The following NCAM2 variants were observed in gnomAD, a reference collection of about 807,000 sequenced individuals.
The protein encoded by NCAM2 is N-CAM-2.
Under a neutral mutation model 98.1 loss-of-function variants are expected in NCAM2, and 30 were observed. The observed-to-expected ratio is 0.31, with a 90% confidence interval of 0.23 to 0.41. The LOEUF is 0.41. Ranked by LOEUF, NCAM2 falls within the 10% of genes least tolerant of loss-of-function variation. The pLI is 1.00. For synonymous variants in NCAM2, 368 were observed against 342.4 expected (o/e 1.07, Z -0.83); for missense variants, 867 against 1,005.8 (o/e 0.86, Z 1.87).
intron 1 of NCAM2, among the ~76,000 whole-genome samples, chr21:21,227,682 A>T (rs1367932026): frequency 6.6e-6 from 1 of 151,856 alleles, no homozygotes; most frequent in Admixed American, 6.6e-5. Context: ...AGATATGTCT[A>T]AATAAAAGCT....
intron 9 of NCAM2, among the ~76,000 whole-genome samples, chr21:21,404,352 C>A (rs968016656): frequency 6.6e-6 from 1 of 152,000 alleles, no homozygotes; most frequent in Non-Finnish European, 1.5e-5. Flanking sequence ...GTGGGAGGGA[C>A]CCAGCAGAGC....
At chr21:21,041,986 G>A (rs1258874596) in intron 1 of NCAM2, among the ~76,000 whole-genome samples, 1 of 152,182 alleles carries the variant, frequency 6.6e-6, no homozygotes, top group East Asian at 1.9e-4. Flanking sequence ...CAGGTTGAAT[G>A]ACGATGCCAA....
intron 6 of NCAM2, among the ~76,000 whole-genome samples, chr21:21,331,238 G>A (rs2074669589): frequency 6.6e-6 from 1 of 151,678 alleles, no homozygotes; most frequent in Non-Finnish European, 1.5e-5. Context: ...TCGGGCTCAA[G>A]TGATCTTCCT....
intron 1 of NCAM2, among the ~76,000 whole-genome samples, chr21:21,244,459 G>A (rs772881859): frequency 3.3e-5 from 5 of 151,972 alleles, no homozygotes; most frequent in Non-Finnish European, 5.9e-5. Context: ...TCGATAATAC[G>A]AAGTTTTCAC....
At chr21:21,261,777 C>A (rs1443760223) in intron 1 of NCAM2, among the ~76,000 whole-genome samples, 5 of 151,988 alleles carry the variant, frequency 3.3e-5, no homozygotes, top group African/African-American at 9.7e-5. Flanking sequence ...CTCAAATTTA[C>A]AACCTAACAT....
intron 13 of NCAM2, 125 bp from the exon 14 acceptor site, chr21:21,468,537 G>A (rs910165868): frequency 1.1e-6 from 1 of 884,774 alleles, no homozygotes; most frequent in Non-Finnish European, 1.6e-6. Context: ...AAAGGGCAAT[G>A]TCAAATGGTA....
At chr21:21,295,941 G>T (rs936972226) in intron 5 of NCAM2, among the ~76,000 whole-genome samples, 4 of 151,654 alleles carry the variant, frequency 2.6e-5, no homozygotes, top group African/African-American at 9.7e-5. Context: ...CACTTTCCCT[G>T]ATGGTGATCA....
chr21:21,184,365 T>C (rs2068571689), intron 1 of NCAM2, among the ~76,000 whole-genome samples: 2 of 150,006 alleles, frequency 1.3e-5, no homozygotes, highest in South Asian at 4.3e-4. Flanking sequence ...CTTCAAAGAG[T>C]GTTGAACATT....
intron 1 of NCAM2, among the ~76,000 whole-genome samples, chr21:21,048,426 C>T (rs767682269): frequency 6.6e-6 from 1 of 151,988 alleles, no homozygotes. Flanking sequence ...AATCTCTGCT[C>T]GCTGCAAGCT....
intron 6 of NCAM2, among the ~76,000 whole-genome samples, chr21:21,325,096 A>G (rs2147800413): frequency 6.6e-6 from 1 of 152,246 alleles, no homozygotes; most frequent in African/African-American, 2.4e-5. Context: ...TATTTTTAAA[A>G]TATTCCATTC....
chr21:21,468,033 A>G (rs929334246), intron 13 of NCAM2, among the ~76,000 whole-genome samples: 4 of 152,000 alleles, frequency 2.6e-5, no homozygotes, highest in Non-Finnish European at 1.5e-5. Context: ...GTTCTATTCA[A>G]AACAATATAA....
At chr21:21,504,050 C>T (rs910956080) in intron 15 of NCAM2, among the ~76,000 whole-genome samples, 2 of 151,750 alleles carry the variant, frequency 1.3e-5, no homozygotes, top group African/African-American at 4.8e-5. Flanking sequence ...TGGATATTGA[C>T]ATTTTTCTAT....
intron 1 of NCAM2, among the ~76,000 whole-genome samples, chr21:21,261,308 A>G (rs2071890287): frequency 6.6e-6 from 1 of 152,162 alleles, no homozygotes; most frequent in South Asian, 2.1e-4. Flanking sequence ...AACTAACAAG[A>G]AAATCTGGAC....
chr21:21,190,118 G>T (rs1394750486), intron 1 of NCAM2, among the ~76,000 whole-genome samples: 1 of 152,212 alleles, frequency 6.6e-6, no homozygotes, highest in African/African-American at 2.4e-5. Flanking sequence ...CACTGGGGAA[G>T]AAGGGACTTG....
intron 1 of NCAM2, among the ~76,000 whole-genome samples, chr21:21,057,408 A>C (rs1035988611): frequency 9.9e-5 from 15 of 152,172 alleles, no homozygotes; most frequent in Non-Finnish European, 2.1e-4. Context: ...TTACCATGTA[A>C]TGACACTTCC....
At chr21:21,445,970 C>T (rs1200692612) in intron 12 of NCAM2, among the ~76,000 whole-genome samples, 1 of 152,052 alleles carries the variant, frequency 6.6e-6, no homozygotes, top group Non-Finnish European at 1.5e-5. Context: ...TGGCTGGTAC[C>T]AGTTTTTCCT....
At chr21:21,249,465 A>C (rs1052293653) in intron 1 of NCAM2, among the ~76,000 whole-genome samples, 3 of 152,130 alleles carry the variant, frequency 2.0e-5, no homozygotes, top group Non-Finnish European at 4.4e-5. Flanking sequence ...CGAGCTCATC[A>C]TTAGGATGAG....
chr21:21,300,461 G>A (rs2147639210), intron 5 of NCAM2, among the ~76,000 whole-genome samples: 1 of 152,036 alleles, frequency 6.6e-6, no homozygotes, highest in East Asian at 1.9e-4. Context: ...CCTTACCTTG[G>A]CCAAAAGTCA....
chr21:21,023,930 C>T (rs1568937674), intron 1 of NCAM2, among the ~76,000 whole-genome samples: 1 of 152,078 alleles, frequency 6.6e-6, no homozygotes, highest in Admixed American at 6.6e-5. Context: ...AGGATTTTGG[C>T]TTTAATGTCG....
Sources: allele counts gnomAD v4.1 joint callset (sites outside exome capture counted in the v4.1 genomes callset), GRCh38; gene constraint gnomAD v4.1.1; transcripts MANE v1.5; gene names NCBI Gene and HGNC (gene_info 2026-07-23, HGNC 2026-07-21).